Variants in RGS6 observed in about 807,000 individuals in gnomAD.
RGS6 encodes regulator of G protein signaling 6.
RGS6 carries 30 observed loss-of-function variants against 78.5 expected under a neutral mutation model. The ratio of observed to expected loss-of-function variants is 0.38; its 90% CI spans 0.29 to 0.52. RGS6 has a LOEUF of 0.52. Among genes scored for constraint, RGS6 ranks in the 20% least tolerant of loss-of-function variants. The pLI is 0.85. For missense variants in RGS6, 495 were observed against 609.7 expected, an observed-to-expected ratio of 0.81 and a Z score of 1.98; for synonymous variants, 206 against 206.0, an observed-to-expected ratio of 1.00 and a Z score of 0.00.
the RGS6 span, among the ~76,000 whole-genome samples, chr14:72,586,856 T>G: frequency 2.6e-5 from 4 of 152,300 alleles, no homozygotes; most frequent in Non-Finnish European, 5.9e-5. Flanking sequence ...GCATAATAGC[T>G]GCTCAGTAAA....
chr14:72,083,884 A>G (rs952194750), intron 2 of RGS6, among the ~76,000 whole-genome samples: 1 of 152,166 alleles, frequency 6.6e-6, no homozygotes, highest in African/African-American at 2.4e-5. Context: ...GGTCTGGGGT[A>G]GTCTGGAATA....
intron 2 of RGS6, among the ~76,000 whole-genome samples, chr14:72,344,675 G>C (rs1825773077): frequency 6.6e-6 from 1 of 152,164 alleles, no homozygotes; most frequent in Admixed American, 6.5e-5. Flanking sequence ...GGATTCAGTG[G>C]TGAGCAAACC....
chr14:72,052,902 AC>A (rs2153415486), intron 2 of RGS6, among the ~76,000 whole-genome samples: 1 of 151,662 alleles, frequency 6.6e-6, no homozygotes, highest in Non-Finnish European at 1.5e-5. Flanking sequence ...AGGACAGTGC[AC>A]ATGTTCAGAG....
At chr14:72,101,741 G>C (rs1446093937) in intron 2 of RGS6, among the ~76,000 whole-genome samples, 3 of 152,160 alleles carry the variant, frequency 2.0e-5, no homozygotes, top group Admixed American at 6.5e-5. Context: ...TCCAAAACTT[G>C]CATGTTGAAT....
At chr14:72,072,369 C>A (rs1038920894) in intron 2 of RGS6, among the ~76,000 whole-genome samples, 2 of 150,348 alleles carry the variant, frequency 1.3e-5, no homozygotes, top group Non-Finnish European at 3.0e-5. Context: ...AGTGCGGTGG[C>A]GCAATCTCGG....
intron 2 of RGS6, among the ~76,000 whole-genome samples, chr14:72,117,026 A>T (rs1245890016): frequency 6.6e-6 from 1 of 150,906 alleles, no homozygotes; most frequent in African/African-American, 2.4e-5. Flanking sequence ...CATGACTACC[A>T]AGGTGGTTGA....
the RGS6 span, among the ~76,000 whole-genome samples, chr14:71,867,500 G>C: frequency 8.2e-4 from 125 of 152,270 alleles, 1 homozygote; most frequent in East Asian, 0.02. Context: ...TAGGAGAACA[G>C]TATGAAAAGC....
At chr14:72,162,909 G>A (rs1598637710) in intron 2 of RGS6, among the ~76,000 whole-genome samples, 1 of 152,162 alleles carries the variant, frequency 6.6e-6, no homozygotes, top group South Asian at 2.1e-4. Context: ...CAACCTGGAT[G>A]GAACTGGAGA....
rs181854490 is a variant in RGS6 at position 72,532,360 on chromosome 14, C to T, written c.1279-3826C>T. ...TGTGTGTGTTTTCTGACTCCTCTAC[C>T]AAATCAGCCATTCCCCCATCTCTTT... is the stretch of plus-strand genomic sequence containing the variant. On this transcript the variant is annotated intron_variant, in intron 15 of 17. Coordinates refer to ENST00000553525, the MANE Select transcript of RGS6 (RefSeq NM_001204424.2). Among the ~76,000 whole-genome samples, 5 of 152,272 alleles carry T rather than the reference C, an allele frequency of 3.3e-5. No homozygotes were observed. The East Asian group carries it at 9.7e-4, about 29-fold the overall frequency.
chr14:72,403,715 G>A (rs575428434), intron 3 of RGS6, among the ~76,000 whole-genome samples: 3 of 152,068 alleles, frequency 2.0e-5, no homozygotes, highest in Non-Finnish European at 2.9e-5. Context: ...CTATAAAGAT[G>A]TATAATTATT....
At chr14:72,413,051 T>TG (rs1265056798) in intron 3 of RGS6, among the ~76,000 whole-genome samples, 2 of 152,220 alleles carry the variant, frequency 1.3e-5, no homozygotes, top group Non-Finnish European at 2.9e-5. Context: ...TCTGTTGATT[T>TG]GGGGTGGAGA....
chr14:72,001,999 C>A (rs1364932727), intron 2 of RGS6, among the ~76,000 whole-genome samples: 1 of 143,792 alleles, frequency 7.0e-6, no homozygotes, highest in African/African-American at 2.6e-5. Flanking sequence ...ATCTCCTGGG[C>A]TCAAGTGATC....
intron 2 of RGS6, among the ~76,000 whole-genome samples, chr14:72,022,171 G>C (rs932106840): frequency 2.6e-5 from 4 of 152,092 alleles, no homozygotes; most frequent in Non-Finnish European, 5.9e-5. Context: ...TACCCGGTCT[G>C]TCATTAATGG....
chr14:72,271,025 A>G (rs1191812337), intron 2 of RGS6, among the ~76,000 whole-genome samples: 1 of 152,194 alleles, frequency 6.6e-6, no homozygotes, highest in African/African-American at 2.4e-5. Flanking sequence ...CTTGAAACCC[A>G]TGCCTTTTGT....
the RGS6 span, among the ~76,000 whole-genome samples, chr14:72,597,008 GT>G: frequency 6.6e-6 from 1 of 152,194 alleles, no homozygotes; most frequent in East Asian, 1.9e-4. Flanking sequence ...GGATGCCAAA[GT>G]AGGTAGATAA....
chr14:72,042,351 A>T (rs1377807816), intron 2 of RGS6, among the ~76,000 whole-genome samples: 3 of 151,130 alleles, frequency 2.0e-5, no homozygotes, highest in Admixed American at 6.6e-5. Context: ...CTGGTCTCAA[A>T]CTCCTGATCT....
chr14:72,595,512 CA>C, the RGS6 span, among the ~76,000 whole-genome samples: 2,600 of 152,184 alleles, frequency 0.017, 80 homozygotes, highest in African/African-American at 0.059. Context: ...AATACAATGC[CA>C]AACCTTTTTC....
chr14:72,600,988 A>AAGAGGAGGAGGAGGGGGG, the RGS6 span, among the ~76,000 whole-genome samples: 3 of 146,088 alleles, frequency 2.1e-5, no homozygotes, highest in African/African-American at 7.7e-5. Flanking sequence ...CAGGGAGAGG[A>AAGAGGAGGAGGAGGGGGG]AGAGGAGGAG....
intron 3 of RGS6, among the ~76,000 whole-genome samples, chr14:72,402,884 T>A (rs1226157593): frequency 7.3e-6 from 1 of 137,560 alleles, no homozygotes; most frequent in African/African-American, 2.7e-5. Context: ...GCAACCTCCA[T>A]CTCCTGGGTT....
Sources: gnomAD v4.1 joint callset for allele counts (sites outside exome capture counted in the v4.1 genomes callset) on GRCh38, gnomAD v4.1.1 for gene constraint, MANE v1.5 for transcripts, NCBI Gene and HGNC (gene_info 2026-07-23, HGNC 2026-07-21) for gene names.